SHB: variants seen among roughly 807,000 people sequenced by gnomAD.
SHB encodes SH2 domain-containing adapter protein B.
Under a neutral mutation model 52.3 loss-of-function variants are expected in SHB, and 20 were observed. The observed-to-expected ratio is 0.38, with a 90% confidence interval of 0.27 to 0.56. SHB has a LOEUF of 0.56. Among genes scored for constraint, SHB ranks in the 20% least tolerant of loss-of-function variants. SHB has a pLI of 0.71. For missense variants in SHB, 825 were observed against 723.3 expected, an observed-to-expected ratio of 1.14 and a Z score of -1.61; for synonymous variants, 397 against 316.5, an observed-to-expected ratio of 1.25 and a Z score of -2.70.
chr9:37,921,646 G>A (rs1832181743), intron 5 of SHB, among the ~76,000 whole-genome samples: 1 of 152,198 alleles, frequency 6.6e-6, no homozygotes, highest in Non-Finnish European at 1.5e-5. Flanking sequence ...CAGAGCCTGT[G>A]GCAAGTTCTG....
At chr9:37,940,959 G>T (rs1274860033) in intron 5 of SHB, among the ~76,000 whole-genome samples, 1 of 152,182 alleles carries the variant, frequency 6.6e-6, no homozygotes, top group Non-Finnish European at 1.5e-5. Flanking sequence ...GCAACTAGGA[G>T]GTCAGAGAAG....
At chr9:38,021,045 T>C in intron 1 of SHB, among the ~76,000 whole-genome samples, 1 of 152,178 alleles carries the variant, frequency 6.6e-6, no homozygotes, top group East Asian at 1.9e-4. Context: ...CTAAAAAGAA[T>C]GATGAGGCAT....
In SHB at chr9:37,916,821, G is replaced by A. The variant is rs926592435; in HGVS notation, c.*3000C>T. Among the ~76,000 whole-genome samples the A allele has an allele frequency of 6.6e-6, 1 of 152,144 alleles. No homozygotes were observed. Among genetic ancestry groups the A allele is most frequent in the Non-Finnish European group, 1.5e-5 (1 of 68,018 alleles). ...ATCCTGTTTGGGGGGCTGCCAGAAG[G>A]GCCCTTGACTCCTCAGCGCTCAAGG... On this transcript the variant is annotated 3_prime_UTR_variant, in exon 6 of 6. Transcript: ENST00000377707.
chr9:37,937,230 G>A (rs761291142), intron 5 of SHB, among the ~76,000 whole-genome samples: 12 of 152,218 alleles, frequency 7.9e-5, no homozygotes, highest in Non-Finnish European at 1.3e-4. Flanking sequence ...AGTGGTGAAA[G>A]CCATGCTGCT....
chr9:38,039,095 G>C (rs565512065), intron 1 of SHB, among the ~76,000 whole-genome samples: 1 of 152,290 alleles, frequency 6.6e-6, no homozygotes, highest in South Asian at 2.1e-4. Flanking sequence ...AAAAGGGGTC[G>C]CCAGAGAACA....
chr9:38,016,772 C>T (rs1821219335), intron 1 of SHB, among the ~76,000 whole-genome samples: 1 of 152,196 alleles, frequency 6.6e-6, no homozygotes, highest in Non-Finnish European at 1.5e-5. Context: ...AAGCAACAAA[C>T]CCAAAGACCC....
chr9:37,946,342 C>T (rs867012933), intron 5 of SHB, among the ~76,000 whole-genome samples: 4 of 152,216 alleles, frequency 2.6e-5, no homozygotes, highest in African/African-American at 7.2e-5. Flanking sequence ...GCTTCTGGCC[C>T]TCTGAGCCCC....
chr9:37,926,105 T>A (rs1832248043), intron 5 of SHB, among the ~76,000 whole-genome samples: 3 of 152,158 alleles, frequency 2.0e-5, no homozygotes, highest in African/African-American at 7.2e-5. Flanking sequence ...CCTGCTGTGA[T>A]GTGGGTGAGA....
intron 2 of SHB, among the ~76,000 whole-genome samples, chr9:38,013,375 C>A (rs1485503158): frequency 6.6e-6 from 1 of 152,122 alleles, no homozygotes; most frequent in African/African-American, 2.4e-5. Context: ...CTTTAGGAGG[C>A]CATGGTGGGA....
intron 5 of SHB, among the ~76,000 whole-genome samples, chr9:37,933,790 T>C (rs538063725): frequency 5.9e-5 from 9 of 151,998 alleles, no homozygotes; most frequent in Admixed American, 1.3e-4. Context: ...CAGCTTTGCC[T>C]GTGGTTAAGT....
In SHB at chr9:38,040,352, A is replaced by C. The variant is rs73439921; in HGVS notation, c.718-24221T>G. On this transcript the variant is annotated intron_variant, in intron 1 of 5. Coordinates refer to ENST00000377707, the MANE Select transcript of SHB (RefSeq NM_003028.3). ...AGGGCTGTCGTGAGGAGGAAACCAG[A>C]CCACGGTGGGAAGCTGCCACATGAA... Among the ~76,000 whole-genome samples the C allele has an allele frequency of 5.4e-3, 827 of 152,300 alleles. 8 individuals carry two copies. The highest frequency in any genetic ancestry group is 0.019 in the African/African-American group (778 of 41,558).
Position 38,069,034 on chromosome 9 carries a change from G to A in SHB, c.-389C>T, listed in dbSNP as rs1024129823. ...GGAGCCGCAGCCTCCGCCTTGGCCG[G>A]GATCCGCGGCTGCCGCGGGAACTTC... On this transcript the variant is annotated 5_prime_UTR_variant, in exon 1 of 6. Transcript: ENST00000377707. The A allele has an allele frequency of 1.6e-4, 25 of 151,644 alleles. No homozygotes were observed. The highest frequency in any genetic ancestry group is 5.6e-4 in the African/African-American group (23 of 41,426). The allele number at this position is 151,644 out of a possible 1,614,324, so 9.4% of individuals were successfully genotyped here.
intron 2 of SHB, among the ~76,000 whole-genome samples, chr9:38,011,857 C>T (rs1280589958): frequency 2.0e-5 from 3 of 152,148 alleles, no homozygotes; most frequent in South Asian, 2.1e-4. Flanking sequence ...AACTAGGTTC[C>T]ATAGAGCTGT....
chr9:37,996,528 A>T (rs920821718), intron 2 of SHB, among the ~76,000 whole-genome samples: 1 of 152,222 alleles, frequency 6.6e-6, no homozygotes, highest in African/African-American at 2.4e-5. Context: ...TAATTCAATG[A>T]ACACTTAGAT....
chr9:37,948,531 G>C, intron 5 of SHB, 104 bp downstream of exon 5: 1 of 1,424,974 alleles, frequency 7.0e-7, no homozygotes, highest in Non-Finnish European at 9.7e-7. Context: ...GTGCTGGCAA[G>C]TTTCCCAGGG....
chr9:38,029,663 G>A (rs1396593344), intron 1 of SHB, among the ~76,000 whole-genome samples: 1 of 151,990 alleles, frequency 6.6e-6, no homozygotes, highest in African/African-American at 2.4e-5. Flanking sequence ...GCTAATCTTT[G>A]TATTTTTAGT....
intron 1 of SHB, among the ~76,000 whole-genome samples, chr9:38,025,011 A>C (rs1821323149): frequency 1.3e-5 from 2 of 152,184 alleles, no homozygotes; most frequent in Non-Finnish European, 2.9e-5. Context: ...GAACTTAGTA[A>C]AGTTAATGCC....
chr9:38,054,341 C>G (rs1384954048), intron 1 of SHB, among the ~76,000 whole-genome samples: 4 of 152,236 alleles, frequency 2.6e-5, no homozygotes, highest in Non-Finnish European at 5.9e-5. Flanking sequence ...AACCTCTGCT[C>G]CACTTGCTAC....
At chr9:38,012,109 A>G (rs1300789480) in intron 2 of SHB, among the ~76,000 whole-genome samples, 2 of 152,298 alleles carry the variant, frequency 1.3e-5, no homozygotes, top group East Asian at 1.9e-4. Flanking sequence ...CACGCCTTCC[A>G]TCCTAGCTGT....
Sources: allele counts gnomAD v4.1 joint callset (sites outside exome capture counted in the v4.1 genomes callset), GRCh38; gene constraint gnomAD v4.1.1; transcripts MANE v1.5; gene names NCBI Gene and HGNC (gene_info 2026-07-23, HGNC 2026-07-21).